Variants in CDH13 observed in about 807,000 individuals in gnomAD.
CDH13 encodes cadherin 13, also known as cadherin-13.
In CDH13, 24 loss-of-function variants were observed where a neutral mutation model predicts 63.8. That is an observed-to-expected ratio of 0.38 (90% CI 0.27 to 0.53). CDH13 has a LOEUF of 0.53. CDH13 is among the 20% of genes least tolerant of loss of function. The pLI is 0.85. For synonymous variants in CDH13, 503 were observed against 355.3 expected (o/e 1.42, Z -4.67); for missense variants, 1,049 against 903.1 (o/e 1.16, Z -2.07).
At chr16:83,388,823 C>G (rs77693031) in intron 6 of CDH13, among the ~76,000 whole-genome samples, 1,935 of 152,276 alleles carry the variant, frequency 0.013, 42 homozygotes, top group African/African-American at 0.045. Flanking sequence ...CTGGGTGCTT[C>G]TTAGAAATTC....
At chr16:82,774,439 C>G (rs1200073015) in intron 1 of CDH13, among the ~76,000 whole-genome samples, 1 of 151,922 alleles carries the variant, frequency 6.6e-6, no homozygotes, top group Non-Finnish European at 1.5e-5. Context: ...ATGTATGAAG[C>G]CCATAGAAAT....
intron 7 of CDH13, among the ~76,000 whole-genome samples, chr16:83,503,113 A>G (rs1039754752): frequency 1.2e-4 from 19 of 152,228 alleles, no homozygotes; most frequent in African/African-American, 4.6e-4. Context: ...CTCAATACAC[A>G]TTGGTAAGAA....
intron 3 of CDH13, among the ~76,000 whole-genome samples, chr16:83,116,292 T>A (rs5008764): frequency 6.6e-6 from 1 of 151,902 alleles, no homozygotes; most frequent in Non-Finnish European, 1.5e-5. Flanking sequence ...TCAGCATCCA[T>A]ACCTCACGGG....
chr16:83,164,070 A>C (rs1305930830), intron 4 of CDH13, among the ~76,000 whole-genome samples: 1 of 152,098 alleles, frequency 6.6e-6, no homozygotes, highest in African/African-American at 2.4e-5. Context: ...CCCAGCTGGT[A>C]ACTGATCGGG....
intron 5 of CDH13, among the ~76,000 whole-genome samples, chr16:83,315,594 C>T (rs574804002): frequency 3.3e-5 from 5 of 149,716 alleles, no homozygotes; most frequent in Non-Finnish European, 4.4e-5. Context: ...ATATTTGCTT[C>T]GGGGGAAAAA....
chr16:82,634,707 T>A (rs554144305), intron 1 of CDH13, among the ~76,000 whole-genome samples: 1 of 152,324 alleles, frequency 6.6e-6, no homozygotes, highest in South Asian at 2.1e-4. Context: ...AGAAAAAGTT[T>A]CCTGACTCTT....
chr16:83,600,984 C>G (rs930422313), intron 7 of CDH13, among the ~76,000 whole-genome samples: 5 of 152,114 alleles, frequency 3.3e-5, no homozygotes, highest in African/African-American at 7.2e-5. Context: ...TCTAGCTCCC[C>G]CTGCCAAATG....
chr16:83,300,777 A>G (rs1004403587), intron 5 of CDH13, among the ~76,000 whole-genome samples: 2 of 152,248 alleles, frequency 1.3e-5, no homozygotes, highest in South Asian at 2.1e-4. Context: ...GCAGGTTTAC[A>G]TATTTTAAAA....
intron 2 of CDH13, among the ~76,000 whole-genome samples, chr16:83,016,193 C>G (rs1374125561): frequency 6.6e-6 from 1 of 152,158 alleles, no homozygotes; most frequent in African/African-American, 2.4e-5. Flanking sequence ...TATTTTCTTG[C>G]TTACACCAGA....
At chr16:83,465,039 C>T (rs2073274237) in intron 6 of CDH13, among the ~76,000 whole-genome samples, 1 of 152,188 alleles carries the variant, frequency 6.6e-6, no homozygotes, top group South Asian at 2.1e-4. Context: ...GAGTAGTATT[C>T]ATTCATTTTT....
At chr16:83,442,205 A>AT (rs973772669) in intron 6 of CDH13, among the ~76,000 whole-genome samples, 6 of 152,246 alleles carry the variant, frequency 3.9e-5, no homozygotes, top group African/African-American at 1.4e-4. Context: ...CCTATCGTTT[A>AT]TTTTCCCTGG....
intron 10 of CDH13, among the ~76,000 whole-genome samples, chr16:83,737,398 T>C (rs1023123917): frequency 3.3e-5 from 5 of 152,246 alleles, no homozygotes; most frequent in Admixed American, 2.0e-4. Context: ...GTGATGAAGA[T>C]ATTAAATTCA....
intron 3 of CDH13, among the ~76,000 whole-genome samples, chr16:83,043,544 A>T (rs1308647987): frequency 1.3e-5 from 2 of 151,536 alleles, no homozygotes; most frequent in African/African-American, 4.9e-5. Flanking sequence ...TAACAGATAT[A>T]TCTAACATAT....
intron 10 of CDH13, chr16:83,716,881 A>T (rs1908990679): frequency 6.6e-6 from 1 of 152,150 alleles, no homozygotes; most frequent in South Asian, 2.1e-4. Flanking sequence ...GAATTTTCAG[A>T]TCAACATCAT....
chr16:83,250,864 C>T (rs959075387), intron 5 of CDH13, among the ~76,000 whole-genome samples: 1 of 152,148 alleles, frequency 6.6e-6, no homozygotes, highest in African/African-American at 2.4e-5. Context: ...ATGGGAGTGA[C>T]TTAAATTCTT....
At chr16:83,389,443 AC>A (rs1480924884) in intron 6 of CDH13, among the ~76,000 whole-genome samples, 1 of 152,220 alleles carries the variant, frequency 6.6e-6, no homozygotes, top group Non-Finnish European at 1.5e-5. Flanking sequence ...ATTCCAATTT[AC>A]AGTGAATTGT....
intron 7 of CDH13, among the ~76,000 whole-genome samples, chr16:83,494,924 A>G (rs975835417): frequency 6.6e-6 from 1 of 152,248 alleles, no homozygotes; most frequent in Admixed American, 6.5e-5. Context: ...CTATGATGTC[A>G]CATTCAACAA....
intron 6 of CDH13, among the ~76,000 whole-genome samples, chr16:83,416,115 T>A (rs1257834357): frequency 5.3e-5 from 8 of 152,146 alleles, no homozygotes; most frequent in African/African-American, 1.7e-4. Flanking sequence ...CTAACTGATC[T>A]AAAAAGGAAA....
intron 3 of CDH13, 132 bp from the exon 4 acceptor site, chr16:83,125,253 G>T (rs1037515665): frequency 6.5e-6 from 4 of 612,634 alleles, no homozygotes; most frequent in Non-Finnish European, 1.2e-5. Context: ...AATGCTAATA[G>T]GGTTTGATGG....
Sources: allele counts gnomAD v4.1 joint callset (sites outside exome capture counted in the v4.1 genomes callset), GRCh38; gene constraint gnomAD v4.1.1; transcripts MANE v1.5; gene names NCBI Gene and HGNC (gene_info 2026-07-23, HGNC 2026-07-21).